The following ARHGAP29 variants were observed in gnomAD, a reference collection of about 807,000 sequenced individuals.
ARHGAP29 encodes the protein Rho GTPase activating protein 29.
Under a neutral mutation model 122.6 loss-of-function variants are expected in ARHGAP29, and 43 were observed. The observed-to-expected ratio is 0.35, with a 90% confidence interval of 0.27 to 0.45. ARHGAP29 has a LOEUF of 0.45. Among genes scored for constraint, ARHGAP29 ranks in the 20% least tolerant of loss-of-function variants. The pLI, the probability that ARHGAP29 is intolerant of heterozygous loss-of-function variation, is 1.00. For synonymous variants in ARHGAP29, 506 were observed against 497.1 expected (o/e 1.02, Z -0.24); for missense variants, 1,303 against 1,477.2 (o/e 0.88, Z 1.93).
At chr1:94,229,678 T>C (rs552574405) in intron 2 of ARHGAP29, among the ~76,000 whole-genome samples, 7 of 151,868 alleles carry the variant, frequency 4.6e-5, no homozygotes, top group African/African-American at 1.7e-4. Flanking sequence ...TTTCAGTGTA[T>C]GTATTTCCAT....
intron 22 of ARHGAP29, 192 bp downstream of exon 22, chr1:94,177,420 T>A (rs1399244193): frequency 6.9e-6 from 3 of 436,980 alleles, no homozygotes; most frequent in African/African-American, 6.1e-5. Flanking sequence ...GAAAGACTTT[T>A]ATGAAGAATG....
chr1:94,281,975 T>C, the ARHGAP29 span, among the ~76,000 whole-genome samples: 1 of 152,112 alleles, frequency 6.6e-6, no homozygotes, highest in African/African-American at 2.4e-5. Flanking sequence ...AGGGGAACTG[T>C]ATAGGTTGAG....
chr1:94,299,819 C>A, the ARHGAP29 span, among the ~76,000 whole-genome samples: 21 of 152,204 alleles, frequency 1.4e-4, no homozygotes, highest in African/African-American at 4.6e-4. Flanking sequence ...TTTGGATGAC[C>A]TTTCCTTATG....
chr1:94,238,307 G>A (rs2100670263), upstream of ARHGAP29, among the ~76,000 whole-genome samples: 1 of 151,914 alleles, frequency 6.6e-6, no homozygotes, highest in Admixed American at 6.6e-5. Context: ...GACCTCAGGT[G>A]ATCCACCCGC....
chr1:94,297,190 AAAC>A, the ARHGAP29 span, among the ~76,000 whole-genome samples: 1 of 152,202 alleles, frequency 6.6e-6, no homozygotes. Context: ...CACAGAGCTG[AAAC>A]AACATGTTGA....
chr1:94,249,002 C>T (rs2100691894), intron 1 of ARHGAP29, among the ~76,000 whole-genome samples: 1 of 152,322 alleles, frequency 6.6e-6, no homozygotes, highest in East Asian at 1.9e-4. Context: ...GCATGAGCTA[C>T]CACACCTGGG....
chr1:94,238,423 A>C (rs565092190), upstream of ARHGAP29, among the ~76,000 whole-genome samples: 1 of 152,204 alleles, frequency 6.6e-6, no homozygotes, highest in African/African-American at 2.4e-5. Context: ...GAAAAAAAAA[A>C]GTCTGAGAAA....
chr1:94,235,434 G>C (rs1653194860), intron 1 of ARHGAP29, among the ~76,000 whole-genome samples: 1 of 152,146 alleles, frequency 6.6e-6, no homozygotes, highest in African/African-American at 2.4e-5. Flanking sequence ...CAGAGTGCCT[G>C]GTTCATCATA....
At chr1:94,183,204 A>T (rs66633402) in intron 19 of ARHGAP29, among the ~76,000 whole-genome samples, 2,185 of 136,822 alleles carry the variant, frequency 0.016, 36 homozygotes, top group African/African-American at 0.047. Flanking sequence ...ATTAAAAAAA[A>T]TTTTTTTTTT....
intron 1 of ARHGAP29, among the ~76,000 whole-genome samples, chr1:94,253,386 A>G (rs1174108148): frequency 6.6e-6 from 1 of 152,108 alleles, no homozygotes; most frequent in Non-Finnish European, 1.5e-5. Flanking sequence ...ATGTTTTAAA[A>G]TCTCTGTAAA....
chr1:94,281,131 A>G, the ARHGAP29 span, among the ~76,000 whole-genome samples: 1 of 152,228 alleles, frequency 6.6e-6, no homozygotes, highest in African/African-American at 2.4e-5. Context: ...TTGAGACACA[A>G]AAAACAGTGG....
upstream of ARHGAP29, among the ~76,000 whole-genome samples, chr1:94,240,079 G>T (rs12093742): frequency 1.3e-5 from 2 of 151,986 alleles, no homozygotes; most frequent in Non-Finnish European, 2.9e-5. Flanking sequence ...AGGAAGCAAA[G>T]TCTGTCCCTC....
At position 94,264,375 on chromosome 1, in the gene ARHGAP29, G is replaced by T. The variant is rs1654678205; in HGVS notation, c.-33+10637C>A. On this transcript the variant is annotated intron_variant and NMD_transcript_variant, in intron 1 of 25. Coordinates refer to the ARHGAP29 transcript ENST00000552844. Reference sequence around the variant, plus strand: ...ATCCTGCACCTTCTGTCCCAAGACTGAGAAGACTCCATTTGGGAAGAACAT... The same window carrying T: ...ATCCTGCACCTTCTGTCCCAAGACTTAGAAGACTCCATTTGGGAAGAACAT... Among the ~76,000 whole-genome samples the T allele has an allele frequency of 3.3e-5, 5 of 152,248 alleles. No homozygotes were observed. The South Asian group carries it at 1.0e-3, about 32-fold the overall frequency.
chr1:94,284,259 T>G, the ARHGAP29 span, among the ~76,000 whole-genome samples: 5 of 152,214 alleles, frequency 3.3e-5, no homozygotes, highest in Admixed American at 1.3e-4. Flanking sequence ...TTTTAAACTT[T>G]TAAATAGAAT....
In ARHGAP29 at chr1:94,220,411, AT is replaced by A. The variant is rs1257695442; in HGVS notation, c.206-20del. The A allele has an allele frequency of 3.9e-6, 6 of 1,555,398 alleles. No homozygotes were observed. Among genetic ancestry groups the A allele is most frequent in the South Asian group, 2.4e-5 (2 of 83,694 alleles). ...AAACAGTCTTTAAAAAGAAAAAAAA[AT>A]AATTTATTTCCAGAGCAAAGTTCCA... On this transcript the variant is annotated intron_variant, in intron 2 of 22. Coordinates refer to ENST00000260526, the MANE Select transcript of ARHGAP29 (RefSeq NM_004815.4).
chr1:94,256,086 C>G (rs1654335316), intron 1 of ARHGAP29, among the ~76,000 whole-genome samples: 1 of 152,118 alleles, frequency 6.6e-6, no homozygotes, highest in Non-Finnish European at 1.5e-5. Flanking sequence ...ACCTGTATCT[C>G]AAGGAAGGTG....
chr1:94,198,156 A>C (rs756881411), intron 12 of ARHGAP29, among the ~76,000 whole-genome samples: 5 of 151,294 alleles, frequency 3.3e-5, no homozygotes, highest in Non-Finnish European at 7.4e-5. Flanking sequence ...CCAACACACA[A>C]AATATCAAGT....
At chr1:94,227,355 A>C (rs1225007368) in intron 2 of ARHGAP29, among the ~76,000 whole-genome samples, 3 of 151,744 alleles carry the variant, frequency 2.0e-5, no homozygotes. Flanking sequence ...GTTCATCTGA[A>C]ATTGGCCATA....
At chr1:94,209,417 A>G in intron 3 of ARHGAP29, 67 bp from the exon 4 acceptor site, 1 of 968,364 alleles carries the variant, frequency 1.0e-6, no homozygotes, top group Non-Finnish European at 1.5e-6. Context: ...AGAATCATTT[A>G]ATCCTTTAAA....
Sources: allele counts gnomAD v4.1 joint callset (sites outside exome capture counted in the v4.1 genomes callset), GRCh38; gene constraint gnomAD v4.1.1; transcripts MANE v1.5; gene names NCBI Gene and HGNC (gene_info 2026-07-23, HGNC 2026-07-21).